The following FOXP1 variants were observed in gnomAD, a reference collection of about 807,000 sequenced individuals.
FOXP1 encodes the protein forkhead box protein P1.
FOXP1 carries 15 observed loss-of-function variants against 98.2 expected under a neutral mutation model. That is an observed-to-expected ratio of 0.15 (90% CI 0.10 to 0.24). FOXP1 has a LOEUF of 0.24. Ranked by LOEUF, FOXP1 falls within the 10% of genes least tolerant of loss-of-function variation. FOXP1 has a pLI of 1.00. For synonymous variants in FOXP1, 371 were observed against 314.5 expected (o/e 1.18, Z -1.90); for missense variants, 633 against 848.5 (o/e 0.75, Z 3.15).
intron 3 of FOXP1, among the ~76,000 whole-genome samples, chr3:71,382,114 A>T (rs935178432): frequency 6.6e-6 from 1 of 152,064 alleles, no homozygotes; most frequent in African/African-American, 2.4e-5. Flanking sequence ...TCTACAAAAA[A>T]TCCAAAATAT....
chr3:71,354,280 G>GA (rs541544044), intron 4 of FOXP1, among the ~76,000 whole-genome samples: 33,135 of 144,976 alleles, frequency 0.23, 4,145 homozygotes, highest in Non-Finnish European at 0.3. Context: ...TCCGTCTCCA[G>GA]AAAAAAAAAA....
chr3:71,216,267 G>A (rs1053310161), intron 5 of FOXP1, among the ~76,000 whole-genome samples: 13 of 152,188 alleles, frequency 8.5e-5, no homozygotes, highest in South Asian at 2.1e-4. Context: ...GCCTCATTTC[G>A]CGTGAACTCA....
At chr3:71,034,564 T>C (rs1156391583) in intron 11 of FOXP1, among the ~76,000 whole-genome samples, 2 of 152,014 alleles carry the variant, frequency 1.3e-5, no homozygotes, top group African/African-American at 4.8e-5. Context: ...TAAAAAAAAT[T>C]AAAAATAGGA....
chr3:71,441,907 C>T (rs2085977682), intron 3 of FOXP1, among the ~76,000 whole-genome samples: 1 of 152,212 alleles, frequency 6.6e-6, no homozygotes, highest in South Asian at 2.1e-4. Flanking sequence ...AAATTATTTT[C>T]TAGATTTTAT....
chr3:71,582,004 C>G, intron 1 of FOXP1: 1 of 970,310 alleles, frequency 1.0e-6, no homozygotes, highest in Middle Eastern at 5.3e-4. Flanking sequence ...GGGATACGAT[C>G]ACGGGCGCAA....
intron 2 of FOXP1, chr3:71,581,291 G>A (rs2048145530): frequency 1.0e-6 from 1 of 985,238 alleles, no homozygotes; most frequent in South Asian, 4.7e-5. Flanking sequence ...TATTTTATCG[G>A]AGCACTTTAC....
In FOXP1 at chr3:71,406,405, G is replaced by GTA. The variant is rs60423991; in HGVS notation, c.-167-47163_-167-47162dup. ...TAATTGACACATAATAACTGTATGT[G>GTA]TATATATATATATATATATGGTACA... On this transcript the variant is annotated intron_variant, in intron 3 of 20. Transcript: ENST00000649528. Among the ~76,000 whole-genome samples the GTA allele has an allele frequency of 5.8e-3, 613 of 105,552 alleles. 41 individuals are homozygous for GTA. Among genetic ancestry groups the GTA allele is most frequent in the South Asian group, 0.011 (42 of 3,708 alleles). 69.2% of individuals were successfully genotyped at this position (105,552 alleles called of 152,430 possible). A position where few individuals can be genotyped will look rare whatever the true frequency, so the allele number is the denominator to read the frequency against.
At chr3:71,045,231 A>C (rs1185699119) in intron 10 of FOXP1, among the ~76,000 whole-genome samples, 1 of 152,212 alleles carries the variant, frequency 6.6e-6, no homozygotes, top group Non-Finnish European at 1.5e-5. Flanking sequence ...CTATCAATCA[A>C]TGCCATGACT....
chr3:71,517,777 T>C (rs2107406680), intron 2 of FOXP1, among the ~76,000 whole-genome samples: 1 of 152,294 alleles, frequency 6.6e-6, no homozygotes, highest in South Asian at 2.1e-4. Context: ...AAGACCTCAG[T>C]CTCCTCAACT....
At chr3:71,329,507 C>A (rs1291995769) in intron 4 of FOXP1, among the ~76,000 whole-genome samples, 8 of 151,760 alleles carry the variant, frequency 5.3e-5, no homozygotes, top group Non-Finnish European at 8.8e-5. Context: ...GCATAAGCCA[C>A]CGCGCCCGGC....
chr3:71,003,188 C>T (rs950381251), intron 12 of FOXP1, among the ~76,000 whole-genome samples: 5 of 152,148 alleles, frequency 3.3e-5, no homozygotes, highest in African/African-American at 7.2e-5. Flanking sequence ...AAGATCCAAA[C>T]GGACAAAAAG....
intron 4 of FOXP1, among the ~76,000 whole-genome samples, chr3:71,300,185 C>A (rs1369200130): frequency 6.6e-6 from 1 of 152,198 alleles, no homozygotes; most frequent in Non-Finnish European, 1.5e-5. Context: ...ATATGTGACT[C>A]ATAGGCCTCT....
chr3:71,354,150 CA>C (rs541215729), intron 4 of FOXP1, among the ~76,000 whole-genome samples: 1,986 of 129,022 alleles, frequency 0.015, 12 homozygotes, highest in African/African-American at 0.028. Flanking sequence ...ATTAAAAATA[CA>C]AAAAAAAAAA....
At chr3:71,501,373 C>T (rs1434455295) in intron 2 of FOXP1, among the ~76,000 whole-genome samples, 4 of 150,484 alleles carry the variant, frequency 2.7e-5, no homozygotes, top group Non-Finnish European at 5.9e-5. Flanking sequence ...CGGCTCACCA[C>T]CACCTCCGAC....
At chr3:71,178,606 G>T (rs941812871) in intron 6 of FOXP1, among the ~76,000 whole-genome samples, 1 of 151,928 alleles carries the variant, frequency 6.6e-6, no homozygotes. Context: ...AAAATTGGCC[G>T]GGTGCGGTGT....
intron 5 of FOXP1, among the ~76,000 whole-genome samples, chr3:71,240,739 G>T (rs1040023600): frequency 1.3e-5 from 2 of 151,332 alleles, no homozygotes; most frequent in South Asian, 4.2e-4. Context: ...TAGAGACAGG[G>T]TTTCACCATG....
At chr3:71,027,714 T>A (rs2046315619) in intron 11 of FOXP1, among the ~76,000 whole-genome samples, 1 of 152,202 alleles carries the variant, frequency 6.6e-6, no homozygotes, top group Admixed American at 6.5e-5. Context: ...TATACACATA[T>A]TAATATTAGA....
At chr3:71,077,836 A>AT (rs34917871) in intron 7 of FOXP1, among the ~76,000 whole-genome samples, 76,434 of 145,546 alleles carry the variant, frequency 0.53, 22,660 homozygotes, top group Non-Finnish European at 0.68. Context: ...CTGTGCATAT[A>AT]TTTTTTTTTT....
chr3:70,957,798 A>G lies in FOXP1; in HGVS notation c.*1449T>C. ...ATATTGCATAACAAACTGCAGTACC[A>G]AATTTGCATATTTGAAATTAACACT... On this transcript the variant is annotated 3_prime_UTR_variant, in exon 21 of 21. Transcript: ENST00000649528. 1 of 234,040 alleles carries G rather than the reference A, an allele frequency of 4.3e-6. No individual in the cohort carries two copies. Among genetic ancestry groups the G allele is most frequent in the Non-Finnish European group, 8.5e-6 (1 of 118,288 alleles). The allele number at this position is 234,040 out of a possible 1,614,324, so 14.5% of individuals were successfully genotyped here.
Sources: allele counts gnomAD v4.1 joint callset (sites outside exome capture counted in the v4.1 genomes callset), GRCh38; gene constraint gnomAD v4.1.1; transcripts MANE v1.5; gene names NCBI Gene and HGNC (gene_info 2026-07-23, HGNC 2026-07-21).